HHLA2: variants seen among roughly 807,000 people sequenced by gnomAD.
HHLA2 encodes HERV-H LTR-associating protein 2.
HHLA2 carries 48 observed loss-of-function variants against 45.9 expected under a neutral mutation model. That is an observed-to-expected ratio of 1.05 (90% CI 0.83 to 1.33). The LOEUF is 1.33. HHLA2 is among the 40% of genes most tolerant of loss of function. The pLI is 0.00. For synonymous variants in HHLA2, 161 were observed against 173.9 expected (o/e 0.93, Z 0.59); for missense variants, 462 against 494.3 (o/e 0.93, Z 0.62).
chr3:108,338,107 CTATA>C (rs968390756), intron 3 of HHLA2, among the ~76,000 whole-genome samples: 1 of 151,078 alleles, frequency 6.6e-6, no homozygotes, highest in African/African-American at 2.4e-5. Context: ...CGATACCTGT[CTATA>C]TATATAGAAA....
chr3:108,346,200 C>T (rs2081657856), intron 3 of HHLA2, among the ~76,000 whole-genome samples: 1 of 152,132 alleles, frequency 6.6e-6, no homozygotes, highest in African/African-American at 2.4e-5. Context: ...AAAGACAGCA[C>T]CCCTAGAGAT....
chr3:108,315,006 C>T (rs963974792), intron 2 of HHLA2, among the ~76,000 whole-genome samples: 12 of 152,306 alleles, frequency 7.9e-5, no homozygotes, highest in South Asian at 4.1e-4. Flanking sequence ...AGATATCAAG[C>T]TCCGGGCCAA....
intron 3 of HHLA2, among the ~76,000 whole-genome samples, chr3:108,345,216 G>T (rs568806714): frequency 2.0e-5 from 3 of 152,212 alleles, no homozygotes. Flanking sequence ...GGAGCTCTGG[G>T]CTACAGGATG....
intron 8 of HHLA2, among the ~76,000 whole-genome samples, chr3:108,367,684 C>T (rs2082087342): frequency 6.6e-6 from 1 of 151,990 alleles, no homozygotes; most frequent in Non-Finnish European, 1.5e-5. Flanking sequence ...ATGAACAAAG[C>T]CTCCAACAAA....
At chr3:108,370,703 G>A (rs893643670) in intron 8 of HHLA2, among the ~76,000 whole-genome samples, 10 of 152,294 alleles carry the variant, frequency 6.6e-5, no homozygotes, top group South Asian at 2.1e-4. Context: ...TAGCTGATTC[G>A]ATCAACTGGA....
chr3:108,311,985 T>C (rs2081026272), intron 2 of HHLA2, among the ~76,000 whole-genome samples: 1 of 152,188 alleles, frequency 6.6e-6, no homozygotes, highest in South Asian at 2.1e-4. Flanking sequence ...CCAGACTGCC[T>C]TTCCCTCTGG....
intron 1 of HHLA2, among the ~76,000 whole-genome samples, chr3:108,309,314 A>T (rs890381919): frequency 6.6e-6 from 1 of 152,072 alleles, no homozygotes; most frequent in Non-Finnish European, 1.5e-5. Context: ...AAATGAATTT[A>T]CTGTACATAT....
chr3:108,360,579 T>C (rs2081969764), intron 7 of HHLA2, among the ~76,000 whole-genome samples: 1 of 152,232 alleles, frequency 6.6e-6, no homozygotes, highest in African/African-American at 2.4e-5. Context: ...ACAGTCAGTC[T>C]GATAACTGAG....
chr3:108,299,375 G>A (rs956307016), intron 1 of HHLA2, among the ~76,000 whole-genome samples: 1 of 148,828 alleles, frequency 6.7e-6, no homozygotes, highest in African/African-American at 2.4e-5. Context: ...ATATATAAAT[G>A]TTATATAAAT....
chr3:108,306,486 C>T (rs992530904), intron 1 of HHLA2, among the ~76,000 whole-genome samples: 5 of 152,140 alleles, frequency 3.3e-5, no homozygotes, highest in African/African-American at 4.8e-5. Flanking sequence ...TGGGCCTGCT[C>T]GAGCTCTCCC....
At chr3:108,339,918 G>T (rs959119716) in intron 3 of HHLA2, among the ~76,000 whole-genome samples, 1 of 152,130 alleles carries the variant, frequency 6.6e-6, no homozygotes, top group South Asian at 2.1e-4. Context: ...TTTCAGGATT[G>T]GTAAGAAAGA....
At chr3:108,337,015 C>A (rs2081483399) in intron 3 of HHLA2, among the ~76,000 whole-genome samples, 2 of 151,874 alleles carry the variant, frequency 1.3e-5, no homozygotes, top group Admixed American at 1.3e-4. Context: ...CCTTTTGGAC[C>A]AGAGGTTGAA....
chr3:108,373,227 C>T (rs976006137), intron 8 of HHLA2, among the ~76,000 whole-genome samples: 10 of 152,204 alleles, frequency 6.6e-5, no homozygotes, highest in African/African-American at 1.2e-4. Flanking sequence ...AAGACAAAAA[C>T]GACATGATTA....
intron 4 of HHLA2, 57 bp downstream of exon 3, chr3:108,351,934 G>A: frequency 8.4e-7 from 1 of 1,184,262 alleles, no homozygotes; most frequent in Non-Finnish European, 1.3e-6. Context: ...AGAAACATGA[G>A]CACACAATGC....
intron 2 of HHLA2, among the ~76,000 whole-genome samples, chr3:108,322,743 A>T (rs2081225517): frequency 6.6e-6 from 1 of 151,842 alleles, no homozygotes; most frequent in African/African-American, 2.4e-5. Flanking sequence ...ATGTGTTCTC[A>T]CCTCTTGGTG....
intron 10 of HHLA2, 178 bp from the exon 10 acceptor site, chr3:108,377,080 T>C (rs904443454): frequency 1.9e-5 from 11 of 565,770 alleles, no homozygotes; most frequent in African/African-American, 1.9e-4. Context: ...TAAAATTAAC[T>C]GATAAGACTC....
At chr3:108,299,460 T>C (rs1394370310) in intron 1 of HHLA2, among the ~76,000 whole-genome samples, 1 of 151,474 alleles carries the variant, frequency 6.6e-6, no homozygotes, top group East Asian at 1.9e-4. Flanking sequence ...ATCTTGTTAG[T>C]GTGGTGGGAG....
intron 2 of HHLA2, chr3:108,325,487 T>A: frequency 2.7e-6 from 1 of 364,908 alleles, no homozygotes; most frequent in Non-Finnish European, 5.4e-6. Flanking sequence ...CCTGTTAAGC[T>A]TTGCTTCCTG....
intron 1 of HHLA2, among the ~76,000 whole-genome samples, 158 bp downstream of exon 1, chr3:108,296,757 C>T (rs932329256): frequency 6.6e-6 from 1 of 152,192 alleles, no homozygotes; most frequent in Non-Finnish European, 1.5e-5. Context: ...ATGTATTGTG[C>T]ATATGCACCA....
Sources: allele counts gnomAD v4.1 joint callset (sites outside exome capture counted in the v4.1 genomes callset), GRCh38; gene constraint gnomAD v4.1.1; transcripts MANE v1.5; gene names NCBI Gene and HGNC (gene_info 2026-07-23, HGNC 2026-07-21).